Variants in TNKS observed in about 807,000 individuals in gnomAD.
TNKS encodes poly [ADP-ribose] polymerase tankyrase-1.
A neutral mutation model predicts 135.8 loss-of-function variants in TNKS; 72 were observed. That is an observed-to-expected ratio of 0.53 (90% CI 0.44 to 0.64). The LOEUF is 0.64. Ranked by LOEUF, TNKS falls within the 30% of genes least tolerant of loss-of-function variation. The pLI, the probability that TNKS is intolerant of heterozygous loss-of-function variation, is 0.00. For missense variants in TNKS, 1,769 were observed against 1,674.0 expected, an observed-to-expected ratio of 1.06 and a Z score of -0.99; for synonymous variants, 849 against 649.3, an observed-to-expected ratio of 1.31 and a Z score of -4.68.
intron 5 of TNKS, among the ~76,000 whole-genome samples, chr8:9,683,433 A>C (rs1033308963): frequency 3.3e-5 from 5 of 152,000 alleles, no homozygotes; most frequent in Non-Finnish European, 7.4e-5. Context: ...AGGCATATAA[A>C]GTTTATTTCC....
At chr8:9,734,595 G>C (rs533940971) in intron 15 of TNKS, among the ~76,000 whole-genome samples, 151 of 152,240 alleles carry the variant, frequency 9.9e-4, no homozygotes, top group Non-Finnish European at 1.6e-3. Flanking sequence ...CTGAGAAAAA[G>C]TGTATTATAT....
chr8:9,772,384 G>T (rs1464177688), intron 26 of TNKS: 1 of 455,398 alleles, frequency 2.2e-6, no homozygotes, highest in African/African-American at 2.0e-5. Flanking sequence ...TACTCTAAAG[G>T]CACGACATCT....
chr8:9,713,085 A>G (rs1804419485), intron 11 of TNKS, among the ~76,000 whole-genome samples: 1 of 152,320 alleles, frequency 6.6e-6, no homozygotes, highest in African/African-American at 2.4e-5. Context: ...AAATTTGGAT[A>G]TCACTGCCTT....
At chr8:9,707,051 T>C in intron 8 of TNKS, 54 bp downstream of exon 8, 7 of 1,437,076 alleles carry the variant, frequency 4.9e-6, no homozygotes, top group Non-Finnish European at 6.5e-6. Flanking sequence ...ATTTAATTTC[T>C]GTTGAGTTTT....
At chr8:9,562,542 A>G (rs745349437) in intron 1 of TNKS, among the ~76,000 whole-genome samples, 2 of 152,142 alleles carry the variant, frequency 1.3e-5, no homozygotes, top group Admixed American at 6.5e-5. Context: ...CTTTCAATCA[A>G]TCTGCCTTTA....
intron 3 of TNKS, among the ~76,000 whole-genome samples, chr8:9,645,366 C>T (rs914024495): frequency 7.9e-5 from 12 of 152,096 alleles, no homozygotes; most frequent in African/African-American, 2.7e-4. Flanking sequence ...GACCATGCTG[C>T]ACAGAGATGT....
chr8:9,582,546 G>T (rs190858184), intron 2 of TNKS, among the ~76,000 whole-genome samples: 1 of 152,182 alleles, frequency 6.6e-6, no homozygotes, highest in African/African-American at 2.4e-5. Context: ...AGACATCAGG[G>T]CAGGTTGCTG....
chr8:9,577,204 C>G (rs1350024752), intron 1 of TNKS, among the ~76,000 whole-genome samples: 1 of 151,596 alleles, frequency 6.6e-6, no homozygotes, highest in African/African-American at 2.4e-5. Flanking sequence ...TAGAGGGCAA[C>G]TTGGCAACAT....
chr8:9,679,911 C>G, intron 3 of TNKS, 40 bp from the exon 4 acceptor site: 13 of 1,560,952 alleles, frequency 8.3e-6, no homozygotes, highest in Non-Finnish European at 1.1e-5. Context: ...AATCTGTCTT[C>G]TGCCAAATGC....
At chr8:9,733,139 AG>A in intron 14 of TNKS, 139 bp from the exon 15 acceptor site, 1 of 591,450 alleles carries the variant, frequency 1.7e-6, no homozygotes, top group Non-Finnish European at 2.7e-6. Flanking sequence ...TATATCTTAA[AG>A]AACAGAGGTG....
At position 9,565,168 on chromosome 8, in the gene TNKS, A is replaced by T. The variant is rs191819323; in HGVS notation, c.673+8556A>T. Among the ~76,000 whole-genome samples the T allele has an allele frequency of 1.2e-3, 188 of 152,274 alleles. 1 individual carries two copies. Among genetic ancestry groups the T allele is most frequent in the African/African-American group, 4.4e-3 (183 of 41,544 alleles). Reference sequence around the variant, plus strand: ...TTCTCTTCTCGAATCTTGTTTTGCCAGTTTGTTCAGGTATCTGTTTATAGA... The same window carrying T: ...TTCTCTTCTCGAATCTTGTTTTGCCTGTTTGTTCAGGTATCTGTTTATAGA... On this transcript the variant is annotated intron_variant, in intron 1 of 26. Transcript: ENST00000310430.
At chr8:9,713,168 T>C (rs1804422609) in intron 11 of TNKS, among the ~76,000 whole-genome samples, 1 of 152,178 alleles carries the variant, frequency 6.6e-6, no homozygotes, top group Admixed American at 6.5e-5. Context: ...GTTCTACAGA[T>C]GTATTACCTA....
At chr8:9,775,234 G>C (rs1291294573) in intron 26 of TNKS, among the ~76,000 whole-genome samples, 1 of 151,832 alleles carries the variant, frequency 6.6e-6, no homozygotes, top group Non-Finnish European at 1.5e-5. Flanking sequence ...CAAAAATTAA[G>C]TGTATGTCTT....
At chr8:9,562,766 G>A (rs538197490) in intron 1 of TNKS, among the ~76,000 whole-genome samples, 1 of 151,536 alleles carries the variant, frequency 6.6e-6, no homozygotes, top group Admixed American at 6.6e-5. Flanking sequence ...CCTGCTAAGA[G>A]CTGTTAATGT....
chr8:9,754,000 G>C (rs1174908878), intron 20 of TNKS, among the ~76,000 whole-genome samples: 4 of 152,292 alleles, frequency 2.6e-5, no homozygotes, highest in African/African-American at 9.6e-5. Flanking sequence ...TTGTGGCCAT[G>C]CTACTCCAGT....
Position 9,576,931 on chromosome 8 carries a change from A to G in TNKS, c.674-3228A>G, listed in dbSNP as rs532598676. Among the ~76,000 whole-genome samples the G allele has an allele frequency of 5.0e-4, 76 of 151,994 alleles. 1 individual carries two copies. The Middle Eastern group carries it at 0.01, about 20-fold the overall frequency. On this transcript the variant is annotated intron_variant, in intron 1 of 26. Transcript: ENST00000310430. ...ATAAATATAGAAACACAAGTGTTTA[A>G]AAAACACACATTGAAAAGTATATAA...
chr8:9,576,466 C>CTTTTT (rs915555599), intron 1 of TNKS, among the ~76,000 whole-genome samples: 4 of 131,478 alleles, frequency 3.0e-5, no homozygotes, highest in African/African-American at 1.1e-4. Flanking sequence ...CCACCCCCCT[C>CTTTTT]TTTTTTTTTT....
intron 17 of TNKS, among the ~76,000 whole-genome samples, chr8:9,744,039 GCT>G (rs1236993837): frequency 6.6e-6 from 1 of 152,082 alleles, no homozygotes; most frequent in Non-Finnish European, 1.5e-5. Flanking sequence ...AGCTCAATCT[GCT>G]CTGTGTGTGT....
chr8:9,680,761 T>C lies in TNKS; in HGVS notation c.1068T>C (p.Thr356=), dbSNP rs1802747724. 6.2e-7 allele frequency: 1 copy of C among 1,612,658 alleles called. No homozygotes were observed. The highest frequency in any genetic ancestry group is 8.5e-7 in the Non-Finnish European group (1 of 1,179,120). ...GNEEKLMALL[T]PLNVNCHASD... The stretch of plus-strand genomic sequence containing the variant: ...AAGAAAAACTAATGGCTTTACTGAC[T>C]CCTCTAAATGTGAATTGCCATGCAA... The change falls in exon 5 of 27, where the codon ACT becomes ACC. Residue 356 remains threonine, a synonymous_variant. Transcript: ENST00000310430.
Sources: gnomAD v4.1 joint callset for allele counts (sites outside exome capture counted in the v4.1 genomes callset) on GRCh38, gnomAD v4.1.1 for gene constraint, MANE v1.5 for transcripts, NCBI Gene and HGNC (gene_info 2026-07-23, HGNC 2026-07-21) for gene names.